The following DCDC2 variants were observed in gnomAD, a reference collection of about 807,000 sequenced individuals.
DCDC2 encodes doublecortin domain containing 2.
In DCDC2, 40 loss-of-function variants were observed where a neutral mutation model predicts 50.2. The observed-to-expected ratio is 0.80, with a 90% CI of 0.62 to 1.04. The LOEUF is 1.04. DCDC2 is among the 50% of genes least tolerant of loss of function. The pLI is 0.00. For synonymous variants in DCDC2, 234 were observed against 210.6 expected, an observed-to-expected ratio of 1.11 and a Z score of -0.96; for missense variants, 570 against 581.9, an observed-to-expected ratio of 0.98 and a Z score of 0.21.
chr6:24,181,823 A>G, intron 8 of DCDC2, among the ~76,000 whole-genome samples: 1 of 152,218 alleles, frequency 6.6e-6, no homozygotes, highest in East Asian at 1.9e-4. Flanking sequence ...CCATCCTATA[A>G]GTCATATGGA....
chr6:24,326,062 A>G (rs554344200), intron 2 of DCDC2, among the ~76,000 whole-genome samples: 7 of 148,678 alleles, frequency 4.7e-5, no homozygotes, highest in Middle Eastern at 3.4e-3. Flanking sequence ...AGTTTCATGC[A>G]AAGTTCCAAA....
intron 2 of DCDC2, among the ~76,000 whole-genome samples, chr6:24,349,311 T>A (rs1305546731): frequency 6.6e-6 from 1 of 152,244 alleles, no homozygotes; most frequent in African/African-American, 2.4e-5. Context: ...AGCAAGACTA[T>A]AAATTCCTGG....
At chr6:24,212,422 G>C (rs572908930) in intron 7 of DCDC2, among the ~76,000 whole-genome samples, 1 of 152,136 alleles carries the variant, frequency 6.6e-6, no homozygotes, top group Admixed American at 6.5e-5. Flanking sequence ...CCTGCCTTTT[G>C]TTTTCTTTCC....
intron 4 of DCDC2, among the ~76,000 whole-genome samples, chr6:24,291,359 C>A (rs573613223): frequency 1.3e-3 from 197 of 152,148 alleles, no homozygotes; most frequent in African/African-American, 4.2e-3. Context: ...CATAAGGATC[C>A]CTATTGCTGC....
At chr6:24,356,052 C>T (rs1760462139) in intron 1 of DCDC2, among the ~76,000 whole-genome samples, 1 of 152,126 alleles carries the variant, frequency 6.6e-6, no homozygotes, top group African/African-American at 2.4e-5. Flanking sequence ...TGTGATCCAG[C>T]AATTTCACTC....
intron 2 of DCDC2, among the ~76,000 whole-genome samples, chr6:24,334,048 G>A (rs564660801): frequency 1.3e-5 from 2 of 152,266 alleles, no homozygotes; most frequent in South Asian, 2.1e-4. Flanking sequence ...AAACAAAACC[G>A]GCTTCTAGTT....
At chr6:24,203,795 AAAAC>A (rs201931338) in intron 8 of DCDC2, among the ~76,000 whole-genome samples, 18,545 of 152,064 alleles carry the variant, frequency 0.12, 1,268 homozygotes, top group East Asian at 0.36. Flanking sequence ...TACAAGAAAA[AAAAC>A]AAACAAACCC....
chr6:24,193,885 A>C (rs905626924), intron 8 of DCDC2, among the ~76,000 whole-genome samples: 3 of 152,140 alleles, frequency 2.0e-5, no homozygotes, highest in African/African-American at 7.2e-5. Flanking sequence ...CCAGAATGTT[A>C]ATAAATCAAA....
At chr6:24,241,866 T>C (rs1189987178) in intron 7 of DCDC2, among the ~76,000 whole-genome samples, 1 of 152,178 alleles carries the variant, frequency 6.6e-6, no homozygotes, top group Non-Finnish European at 1.5e-5. Flanking sequence ...AAATGGAAAA[T>C]ACAATATTCT....
At chr6:24,307,354 C>G (rs1759491916) in intron 2 of DCDC2, among the ~76,000 whole-genome samples, 1 of 152,054 alleles carries the variant, frequency 6.6e-6, no homozygotes, top group Non-Finnish European at 1.5e-5. Context: ...TTTAAAAGCT[C>G]AATTTTCAAT....
At chr6:24,266,821 A>C (rs1367615117) in intron 7 of DCDC2, among the ~76,000 whole-genome samples, 1 of 152,234 alleles carries the variant, frequency 6.6e-6, no homozygotes, top group Non-Finnish European at 1.5e-5. Flanking sequence ...ACCCAAAAGA[A>C]AGGAAATCAG....
intron 7 of DCDC2, among the ~76,000 whole-genome samples, chr6:24,210,904 T>C (rs1761853154): frequency 6.6e-6 from 1 of 152,220 alleles, no homozygotes; most frequent in Non-Finnish European, 1.5e-5. Context: ...ACCTTCATTC[T>C]GTTTCTCACT....
At chr6:24,202,758 CCTT>C (rs1475497972) in intron 8 of DCDC2, among the ~76,000 whole-genome samples, 1 of 152,140 alleles carries the variant, frequency 6.6e-6, no homozygotes, top group Non-Finnish European at 1.5e-5. Flanking sequence ...CCCAAAATCT[CCTT>C]AAGCTGATAA....
At chr6:24,259,089 A>G (rs2113804878) in intron 7 of DCDC2, among the ~76,000 whole-genome samples, 1 of 151,950 alleles carries the variant, frequency 6.6e-6, no homozygotes, top group African/African-American at 2.4e-5. Flanking sequence ...CGTGGGTCAC[A>G]CTCAGATTTC....
intron 2 of DCDC2, among the ~76,000 whole-genome samples, chr6:24,319,473 G>C (rs1759733507): frequency 6.6e-6 from 1 of 151,746 alleles, no homozygotes; most frequent in African/African-American, 2.4e-5. Context: ...CTTTTGTTTT[G>C]TTTTGTTTGT....
intron 2 of DCDC2, among the ~76,000 whole-genome samples, chr6:24,308,619 T>G (rs965281815): frequency 2.0e-5 from 3 of 152,202 alleles, no homozygotes; most frequent in Non-Finnish European, 4.4e-5. Context: ...GAGATGATCA[T>G]GATATTGAAA....
At chr6:24,280,956 A>G (rs1408589611) in intron 6 of DCDC2, among the ~76,000 whole-genome samples, 1 of 152,180 alleles carries the variant, frequency 6.6e-6, no homozygotes, top group Admixed American at 6.5e-5. Context: ...ATGGAACCCA[A>G]TGAATGGGAA....
intron 7 of DCDC2, among the ~76,000 whole-genome samples, chr6:24,263,778 AAAG>A (rs1411266841): frequency 4.6e-5 from 7 of 152,212 alleles, no homozygotes; most frequent in African/African-American, 1.7e-4. Context: ...TATTGGCCTT[AAAG>A]AAGAGGGAGA....
chr6:24,208,414 A>G (rs932201085), intron 7 of DCDC2, among the ~76,000 whole-genome samples: 5 of 119,254 alleles, frequency 4.2e-5, no homozygotes, highest in African/African-American at 1.0e-4. Flanking sequence ...TCTGTTGCCC[A>G]GGCTGGAGTG....
Sources: gnomAD v4.1 joint callset for allele counts (sites outside exome capture counted in the v4.1 genomes callset) on GRCh38, gnomAD v4.1.1 for gene constraint, MANE v1.5 for transcripts, NCBI Gene and HGNC (gene_info 2026-07-23, HGNC 2026-07-21) for gene names.